ZNF609: variants seen among roughly 807,000 people sequenced by gnomAD.
ZNF609 encodes zinc finger protein 609.
In ZNF609, 11 loss-of-function variants were observed where a neutral mutation model predicts 109.5. The observed-to-expected ratio is 0.10, with a 90% CI of 0.06 to 0.17. The LOEUF (loss-of-function observed/expected upper bound fraction) is 0.17. Ranked by LOEUF, ZNF609 falls within the 10% of genes least tolerant of loss-of-function variation. ZNF609 has a pLI of 1.00. For synonymous variants in ZNF609, 646 were observed against 662.0 expected (o/e 0.98, Z 0.37); for missense variants, 1,559 against 1,772.4 (o/e 0.88, Z 2.16).
chr15:64,620,216 A>C, intron 2 of ZNF609, among the ~76,000 whole-genome samples: 1 of 152,258 alleles, frequency 6.6e-6, no homozygotes, highest in Non-Finnish European at 1.5e-5. Flanking sequence ...AAGTATAAAA[A>C]AGGGAACAAA....
intron 2 of ZNF609, among the ~76,000 whole-genome samples, chr15:64,546,872 G>C (rs1296671870): frequency 6.8e-6 from 1 of 148,040 alleles, no homozygotes; most frequent in Non-Finnish European, 1.5e-5. Context: ...CTCACTGCAA[G>C]CTCTGCCTCC....
intron 2 of ZNF609, among the ~76,000 whole-genome samples, chr15:64,531,929 C>A (rs1342870663): frequency 1.3e-5 from 2 of 152,178 alleles, no homozygotes; most frequent in Admixed American, 6.6e-5. Flanking sequence ...TTCATTATCA[C>A]TTCTTTGCTC....
At chr15:64,590,228 G>T (rs998415236) in intron 2 of ZNF609, among the ~76,000 whole-genome samples, 1 of 152,104 alleles carries the variant, frequency 6.6e-6, no homozygotes, top group Non-Finnish European at 1.5e-5. Context: ...AAGTTTTTGG[G>T]TCGGAACTAT....
At chr15:64,540,814 G>A (rs1416306378) in intron 2 of ZNF609, among the ~76,000 whole-genome samples, 4 of 150,028 alleles carry the variant, frequency 2.7e-5, no homozygotes, top group African/African-American at 7.3e-5. Context: ...CGGATCACGA[G>A]GTCAAGAGAT....
intron 2 of ZNF609, among the ~76,000 whole-genome samples, chr15:64,607,199 A>G (rs1489186960): frequency 6.6e-6 from 1 of 151,926 alleles, no homozygotes; most frequent in Non-Finnish European, 1.5e-5. Context: ...AAATAAATAA[A>G]TAATAGAACT....
At chr15:64,616,942 G>A (rs1160651115) in intron 2 of ZNF609, among the ~76,000 whole-genome samples, 1 of 147,218 alleles carries the variant, frequency 6.8e-6, no homozygotes, top group Non-Finnish European at 1.5e-5. Context: ...CCAAGTAGCT[G>A]GGATTACAGG....
chr15:64,557,728 G>A (rs1243077026), intron 2 of ZNF609, among the ~76,000 whole-genome samples: 1 of 152,084 alleles, frequency 6.6e-6, no homozygotes, highest in African/African-American at 2.4e-5. Flanking sequence ...ACGGAGTCTC[G>A]CTCTGTCGCC....
intron 2 of ZNF609, among the ~76,000 whole-genome samples, chr15:64,544,007 T>G (rs1894315010): frequency 6.6e-6 from 1 of 152,108 alleles, no homozygotes. Flanking sequence ...TGACTCTCAT[T>G]TATGTTAAAA....
At chr15:64,663,369 C>T (rs1006275769) in intron 3 of ZNF609, among the ~76,000 whole-genome samples, 9 of 152,048 alleles carry the variant, frequency 5.9e-5, no homozygotes, top group African/African-American at 2.2e-4. Context: ...TGTACACATG[C>T]CATTACCTCA....
chr15:64,655,021 G>A (rs921979347), intron 3 of ZNF609, among the ~76,000 whole-genome samples: 6 of 151,280 alleles, frequency 4.0e-5, no homozygotes, highest in Non-Finnish European at 7.4e-5. Flanking sequence ...GCATGAACCC[G>A]GGAGGCAGAG....
intron 2 of ZNF609, among the ~76,000 whole-genome samples, chr15:64,614,464 G>A (rs1383280484): frequency 6.6e-6 from 1 of 150,910 alleles, no homozygotes; most frequent in African/African-American, 2.4e-5. Flanking sequence ...TTGATCTCCT[G>A]ACCTTGTGAT....
At chr15:64,592,736 A>T (rs570867109) in intron 2 of ZNF609, among the ~76,000 whole-genome samples, 11 of 145,810 alleles carry the variant, frequency 7.5e-5, no homozygotes, top group African/African-American at 2.5e-4. Flanking sequence ...GGCCAACATG[A>T]TGAAACCCCA....
At chr15:64,555,461 C>T (rs577039541) in intron 2 of ZNF609, among the ~76,000 whole-genome samples, 2 of 151,832 alleles carry the variant, frequency 1.3e-5, no homozygotes, top group East Asian at 3.9e-4. Flanking sequence ...GCCAGGAGTT[C>T]GAGGCCAGCC....
chr15:64,495,674 G>T (rs2140347607), intron 1 of ZNF609, among the ~76,000 whole-genome samples: 1 of 151,648 alleles, frequency 6.6e-6, no homozygotes, highest in South Asian at 2.1e-4. Flanking sequence ...TGGAGGCCCA[G>T]AAGTGCTGGG....
intron 2 of ZNF609, among the ~76,000 whole-genome samples, chr15:64,542,514 T>C (rs993518559): frequency 6.6e-6 from 1 of 152,236 alleles, no homozygotes; most frequent in African/African-American, 2.4e-5. Context: ...TTCAAATTTC[T>C]GTGCACTACA....
chr15:64,674,411 C>T lies in ZNF609; in HGVS notation c.1557C>T (p.Ala519=). 7 of 1,614,126 alleles carry T rather than the reference C, an allele frequency of 4.3e-6. No homozygotes were observed. The highest frequency in any genetic ancestry group is 5.9e-6 in the Non-Finnish European group (7 of 1,180,038). Residue 519 remains alanine, a synonymous_variant, in exon 5 of 10, where the codon GCC becomes GCT. Transcript: ENST00000326648. Reference sequence around the variant, plus strand: ...GACTTAAGTACCACCAAGCTCATGCCCATACAGATGATGACAGCAAGCCGG... The same window carrying T: ...GACTTAAGTACCACCAAGCTCATGCTCATACAGATGATGACAGCAAGCCGG... ...INGLKYHQAH[A]HTDDDSKPEA... is the part of the protein sequence containing the mutation.
intron 2 of ZNF609, among the ~76,000 whole-genome samples, chr15:64,567,249 G>A (rs1364495836): frequency 6.6e-6 from 1 of 152,092 alleles, no homozygotes; most frequent in African/African-American, 2.4e-5. Context: ...ACTTTGGGAG[G>A]CCGAGGCGTG....
intron 2 of ZNF609, among the ~76,000 whole-genome samples, chr15:64,604,165 A>G (rs1215715832): frequency 6.6e-6 from 1 of 152,128 alleles, no homozygotes; most frequent in African/African-American, 2.4e-5. Context: ...TGGGACAGGG[A>G]TCATATTATA....
rs186954744 is a variant in ZNF609, at chr15:64,577,643, A to G, written c.748-45184A>G. Reference sequence around the variant, plus strand: ...TGTATATATACACATATAAATATATACATATATATGTGTATATATACACAT... The same window carrying G: ...TGTATATATACACATATAAATATATGCATATATATGTGTATATATACACAT... On this transcript the variant is annotated intron_variant, in intron 2 of 9. Coordinates refer to ENST00000326648, the MANE Select transcript of ZNF609 (RefSeq NM_015042.2). Among the ~76,000 whole-genome samples the G allele has an allele frequency of 4.6e-4, 18 of 39,334 alleles. 2 individuals carry two copies. Among genetic ancestry groups the G allele is most frequent in the African/African-American group, 1.6e-3 (18 of 11,128 alleles). 25.8% of individuals were successfully genotyped at this position (39,334 alleles called of 152,430 possible). A position where few individuals can be genotyped will look rare whatever the true frequency, so the allele number is the denominator to read the frequency against.
Sources: gnomAD v4.1 joint callset for allele counts (sites outside exome capture counted in the v4.1 genomes callset) on GRCh38, gnomAD v4.1.1 for gene constraint, MANE v1.5 for transcripts, NCBI Gene and HGNC (gene_info 2026-07-23, HGNC 2026-07-21) for gene names.